The following PIEZO2 variants were observed in gnomAD, a reference collection of about 807,000 sequenced individuals.
PIEZO2 encodes the protein piezo-type mechanosensitive ion channel component 2.
In PIEZO2, 172 loss-of-function variants were observed where a neutral mutation model predicts 337.3. That is an observed-to-expected ratio of 0.51 (90% CI 0.45 to 0.58). The LOEUF is 0.58. Ranked by LOEUF, PIEZO2 falls within the 20% of genes least tolerant of loss-of-function variation. The probability of loss-of-function intolerance (pLI) is 0.00; values close to 1 mark genes in which losing one functional copy is unlikely to be tolerated. For synonymous variants in PIEZO2, 1,251 were observed against 1,228.5 expected (o/e 1.02, Z -0.38); for missense variants, 3,028 against 3,391.3 (o/e 0.89, Z 2.66).
At chr18:11,121,565 T>C (rs1199995916) in intron 1 of PIEZO2, among the ~76,000 whole-genome samples, 1 of 152,150 alleles carries the variant, frequency 6.6e-6, no homozygotes, top group Non-Finnish European at 1.5e-5. Flanking sequence ...GACCCTGTTT[T>C]TAAACAATTT....
chr18:10,958,147 A>G (rs2033620610), intron 3 of PIEZO2, among the ~76,000 whole-genome samples: 1 of 152,232 alleles, frequency 6.6e-6, no homozygotes, highest in South Asian at 2.1e-4. Flanking sequence ...AGATGAATAA[A>G]TAAATAAAAT....
Position 10,713,107 on chromosome 18 carries a change from C to A in PIEZO2, c.5423+1657G>T, listed in dbSNP as rs933329134. 2.6e-5 allele frequency among the ~76,000 whole-genome samples: 4 copies of A among 152,132 alleles called. No individual in the cohort carries two copies. The highest frequency in any genetic ancestry group is 9.7e-5 in the African/African-American group (4 of 41,424). Reference sequence around the variant, plus strand: ...ATCTGCACGAATATTACTTCTAAATCAATCTAGGCATGAATATATATATTT... The same window carrying A: ...ATCTGCACGAATATTACTTCTAAATAAATCTAGGCATGAATATATATATTT... On this transcript the variant is annotated intron_variant, in intron 39 of 55. Transcript: ENST00000674853. This position sits in a 1 kb window ranked among gnomAD's most constrained non-coding sequence, Gnocchi z 4.5.
At chr18:10,881,499 CT>C (rs2042419588) in intron 4 of PIEZO2, among the ~76,000 whole-genome samples, 1 of 152,166 alleles carries the variant, frequency 6.6e-6, no homozygotes, top group Non-Finnish European at 1.5e-5. Flanking sequence ...ACTTACTTGC[CT>C]TTATGCACTC....
intron 3 of PIEZO2, among the ~76,000 whole-genome samples, chr18:10,913,567 G>A (rs1021272514): frequency 6.6e-5 from 10 of 152,022 alleles, no homozygotes; most frequent in African/African-American, 2.2e-4. Context: ...TTTCTTAATA[G>A]GTTCCATTTA....
At chr18:11,139,205 A>G (rs1283647251) in intron 1 of PIEZO2, among the ~76,000 whole-genome samples, 1 of 152,196 alleles carries the variant, frequency 6.6e-6, no homozygotes, top group African/African-American at 2.4e-5. Flanking sequence ...CAGATGAAAT[A>G]TCTCAAAAAC....
chr18:10,846,967 G>T lies in PIEZO2; in HGVS notation c.917+8386C>A, dbSNP rs1023834265. ...AATAAAAATCAGTAGCACTTGATAT[G>T]CTCTCTCCTGCTTACTACACCCACC... On this transcript the variant is annotated intron_variant, in intron 7 of 55. Coordinates refer to ENST00000674853, the MANE Select transcript of PIEZO2 (RefSeq NM_001378183.1). The surrounding 1 kb of genome is among the most constrained non-coding windows in gnomAD (Gnocchi z 4.1). Among the ~76,000 whole-genome samples, 4 of 152,144 alleles carry T rather than the reference G, an allele frequency of 2.6e-5. No homozygotes were observed. Among genetic ancestry groups the T allele is most frequent in the Non-Finnish European group, 5.9e-5 (4 of 68,010 alleles).
chr18:10,942,104 T>A lies in PIEZO2; in HGVS notation c.287-30876A>T, dbSNP rs1598726615. On this transcript the variant is annotated intron_variant, in intron 3 of 55. Transcript: ENST00000674853. This position sits in a 1 kb window ranked among gnomAD's most constrained non-coding sequence, Gnocchi z 4.4. The stretch of plus-strand genomic sequence containing the variant: ...CTCTCCAGCCATGTGGAACTGTAAG[T>A]CCAATAAACCTCTTTCTTTTGTAAA... Among the ~76,000 whole-genome samples the A allele has an allele frequency of 6.6e-6, 1 of 152,196 alleles. No individual in the cohort carries two copies. The highest frequency in any genetic ancestry group is 1.5e-5 in the Non-Finnish European group (1 of 68,026).
intron 3 of PIEZO2, among the ~76,000 whole-genome samples, chr18:10,932,519 G>A (rs778587183): frequency 6.6e-6 from 1 of 152,196 alleles, no homozygotes; most frequent in Non-Finnish European, 1.5e-5. Context: ...TTCCGGGGAT[G>A]AGCAAACCAC....
rs924843746 is a variant in PIEZO2 at position 11,129,757 on chromosome 18, G to A, written c.64+18768C>T. Among the ~76,000 whole-genome samples, 1 of 152,146 alleles carries A rather than the reference G, an allele frequency of 6.6e-6. No individual in the cohort carries two copies. The highest frequency in any genetic ancestry group is 2.4e-5 in the African/African-American group (1 of 41,432). Reference sequence around the variant, plus strand: ...AAGGGAAATGATCAGACATTTCAGGGACTACTGGCTCTGGCTCTGAGCTGA... The same window carrying A: ...AAGGGAAATGATCAGACATTTCAGGAACTACTGGCTCTGGCTCTGAGCTGA... On this transcript the variant is annotated intron_variant, in intron 1 of 55. Transcript: ENST00000674853. The surrounding 1 kb of genome is among the most constrained non-coding windows in gnomAD (Gnocchi z 4.6).
intron 7 of PIEZO2, among the ~76,000 whole-genome samples, chr18:10,851,125 TTTTTC>T (rs149794252): frequency 2.6e-5 from 4 of 151,084 alleles, no homozygotes; most frequent in African/African-American, 4.9e-5. Context: ...CTTCTTTCTC[TTTTTC>T]TTTTCTTTTC....
At chr18:10,867,550 C>T (rs2042037566) in intron 5 of PIEZO2, among the ~76,000 whole-genome samples, 1 of 152,130 alleles carries the variant, frequency 6.6e-6, no homozygotes, top group Non-Finnish European at 1.5e-5. Context: ...ACTTGTCAGT[C>T]TATTAAGAAG....
At chr18:10,901,871 C>T (rs1191519729) in intron 4 of PIEZO2, among the ~76,000 whole-genome samples, 2 of 151,724 alleles carry the variant, frequency 1.3e-5, no homozygotes, top group African/African-American at 4.8e-5. Flanking sequence ...ACTTCCACCT[C>T]TTCTGCTTAA....
chr18:10,884,541 G>C (rs2042517635), intron 4 of PIEZO2, among the ~76,000 whole-genome samples: 1 of 152,170 alleles, frequency 6.6e-6, no homozygotes, highest in Non-Finnish European at 1.5e-5. Context: ...GAAATGGCTT[G>C]CCTTCCAAGT....
chr18:10,710,168 C>T (rs564802360), intron 39 of PIEZO2, among the ~76,000 whole-genome samples: 2 of 152,330 alleles, frequency 1.3e-5, no homozygotes, highest in East Asian at 1.9e-4. Context: ...TCATGGGAAC[C>T]GATGGTTCTA....
rs2041808602 is a variant in PIEZO2, at chr18:10,859,241, G to A, written c.493-2030C>T. Among the ~76,000 whole-genome samples the A allele has an allele frequency of 1.3e-5, 2 of 152,164 alleles. No homozygotes were observed. The highest frequency in any genetic ancestry group is 4.8e-5 in the African/African-American group (2 of 41,442). On this transcript the variant is annotated intron_variant, in intron 5 of 55. Transcript: ENST00000674853. This position sits in a 1 kb window ranked among gnomAD's most constrained non-coding sequence, Gnocchi z 4.9. ...CGGGTGGAGGAAAGAGCTGGTCCAA[G>A]GCTTGGTGGCATGTGCAGAAAGAGG...
At chr18:10,702,595 A>G (rs1413907583) in intron 42 of PIEZO2, among the ~76,000 whole-genome samples, 1 of 152,268 alleles carries the variant, frequency 6.6e-6, no homozygotes, top group Non-Finnish European at 1.5e-5. Context: ...CTATAGGAGC[A>G]TATCACACGG....
At chr18:11,010,907 G>T (rs1384869003) in intron 2 of PIEZO2, among the ~76,000 whole-genome samples, 3 of 152,216 alleles carry the variant, frequency 2.0e-5, no homozygotes, top group Admixed American at 2.0e-4. Flanking sequence ...ACTTTCTAAT[G>T]AATCTACTGC....
At chr18:11,039,777 A>ACACAC (rs1568319976) in intron 2 of PIEZO2, among the ~76,000 whole-genome samples, 126 of 84,734 alleles carry the variant, frequency 1.5e-3, no homozygotes, top group South Asian at 3.0e-3. Context: ...CACACACACA[A>ACACAC]AATTTCTTCC....
intron 11 of PIEZO2, among the ~76,000 whole-genome samples, chr18:10,799,020 C>A (rs191542098): frequency 6.6e-6 from 1 of 152,122 alleles, no homozygotes; most frequent in Admixed American, 6.5e-5. Flanking sequence ...AACCTTACTG[C>A]GGAATGTCAG....
Sources: allele counts gnomAD v4.1 joint callset (sites outside exome capture counted in the v4.1 genomes callset), GRCh38; gene constraint gnomAD v4.1.1; non-coding constraint Gnocchi (gnomAD v3.1); transcripts MANE v1.5; gene names NCBI Gene and HGNC (gene_info 2026-07-23, HGNC 2026-07-21).